PPARGC1A: variants seen among roughly 807,000 people sequenced by gnomAD.
PPARGC1A encodes PPARG coactivator 1 alpha, also known as peroxisome proliferator-activated receptor gamma coactivator 1-alpha.
In PPARGC1A, 25 loss-of-function variants were observed where a neutral mutation model predicts 88.7. The ratio of observed to expected loss-of-function variants is 0.28; its 90% CI spans 0.21 to 0.39. The LOEUF (loss-of-function observed/expected upper bound fraction) is 0.39. PPARGC1A is among the 10% of genes least tolerant of loss of function. The pLI, the probability that PPARGC1A is intolerant of heterozygous loss-of-function variation, is 1.00. For synonymous variants in PPARGC1A, 363 were observed against 355.6 expected (o/e 1.02, Z -0.24); for missense variants, 880 against 968.7 (o/e 0.91, Z 1.22).
chr4:24,305,982 G>A, the PPARGC1A span, among the ~76,000 whole-genome samples: 5 of 152,112 alleles, frequency 3.3e-5, no homozygotes, highest in Non-Finnish European at 7.3e-5. Context: ...ATTAAAGCAG[G>A]GATGTACCCT....
chr4:23,933,766 A>G, the PPARGC1A span, among the ~76,000 whole-genome samples: 1 of 152,228 alleles, frequency 6.6e-6, no homozygotes, highest in African/African-American at 2.4e-5. Flanking sequence ...TTTGGAAGGC[A>G]CTTTCACATA....
the PPARGC1A span, among the ~76,000 whole-genome samples, chr4:24,178,941 A>T: frequency 6.6e-6 from 1 of 152,170 alleles, no homozygotes; most frequent in African/African-American, 2.4e-5. Flanking sequence ...TTTCTTTTTT[A>T]ATCATAACCT....
the PPARGC1A span, among the ~76,000 whole-genome samples, chr4:24,037,079 G>T: frequency 3.5e-3 from 527 of 152,312 alleles, 6 homozygotes; most frequent in African/African-American, 0.012. Flanking sequence ...TTATTTGGGA[G>T]TCCTGCTAAG....
At chr4:24,200,655 CAAAAAA>C in the PPARGC1A span, among the ~76,000 whole-genome samples, 1 of 88,358 alleles carries the variant, frequency 1.1e-5, no homozygotes, top group South Asian at 5.8e-4. Flanking sequence ...ATTTATTAAG[CAAAAAA>C]AAAAAAAAAA....
the PPARGC1A span, among the ~76,000 whole-genome samples, chr4:24,001,247 T>C: frequency 6.6e-6 from 1 of 152,346 alleles, no homozygotes; most frequent in Non-Finnish European, 1.5e-5. Context: ...TTTTCTTTGT[T>C]ATAATATGCT....
chr4:24,360,620 T>A, the PPARGC1A span, among the ~76,000 whole-genome samples: 1 of 152,186 alleles, frequency 6.6e-6, no homozygotes, highest in African/African-American at 2.4e-5. Context: ...TCATCAAAGA[T>A]GTTCAGTACA....
At chr4:24,119,002 C>A in the PPARGC1A span, among the ~76,000 whole-genome samples, 1 of 152,164 alleles carries the variant, frequency 6.6e-6, no homozygotes. Flanking sequence ...GTGCATCAGC[C>A]AGAATGACCT....
chr4:23,995,434 A>G, the PPARGC1A span, among the ~76,000 whole-genome samples: 2 of 152,278 alleles, frequency 1.3e-5, no homozygotes, highest in South Asian at 4.1e-4. Context: ...CCATTTGATC[A>G]TGTCACAGTC....
the PPARGC1A span, among the ~76,000 whole-genome samples, chr4:24,100,517 A>G: frequency 2.0e-5 from 3 of 152,206 alleles, no homozygotes; most frequent in African/African-American, 7.2e-5. Context: ...TCCACTTAAT[A>G]GTTCAGAAAA....
At chr4:24,247,936 A>G in the PPARGC1A span, among the ~76,000 whole-genome samples, 3 of 152,044 alleles carry the variant, frequency 2.0e-5, no homozygotes, top group African/African-American at 7.2e-5. Context: ...CCCACCTAAT[A>G]TCGATCTGGC....
the PPARGC1A span, among the ~76,000 whole-genome samples, chr4:24,023,023 T>A: frequency 6.6e-6 from 1 of 152,190 alleles, no homozygotes. Context: ...CTTAAAATGC[T>A]AATTAAAATC....
At chr4:24,269,760 A>G in the PPARGC1A span, among the ~76,000 whole-genome samples, 1,381 of 152,230 alleles carry the variant, frequency 9.1e-3, 4 homozygotes, top group Non-Finnish European at 0.015. Context: ...GAAGCTGGTA[A>G]CAGTCTGTCC....
the PPARGC1A span, among the ~76,000 whole-genome samples, chr4:24,219,206 C>T: frequency 2.6e-5 from 4 of 152,318 alleles, no homozygotes; most frequent in South Asian, 6.2e-4. Context: ...GGCAAAAGTG[C>T]CAGGAAGTCC....
chr4:24,223,006 A>G, the PPARGC1A span, among the ~76,000 whole-genome samples: 3 of 152,188 alleles, frequency 2.0e-5, no homozygotes, highest in Admixed American at 6.5e-5. Context: ...AGTTGCAACT[A>G]GGCACATATA....
chr4:24,455,341 C>A, the PPARGC1A span, among the ~76,000 whole-genome samples: 1 of 152,096 alleles, frequency 6.6e-6, no homozygotes, highest in Admixed American at 6.5e-5. Context: ...ATTAGCTGGG[C>A]TTTGTGGCTT....
chr4:24,463,415 G>A, the PPARGC1A span, among the ~76,000 whole-genome samples: 6 of 152,240 alleles, frequency 3.9e-5, no homozygotes, highest in East Asian at 7.7e-4. Context: ...CAAGCCTATG[G>A]TAACCCAATC....
the PPARGC1A span, among the ~76,000 whole-genome samples, chr4:24,055,734 C>A: frequency 2.0e-5 from 3 of 152,376 alleles, no homozygotes; most frequent in South Asian, 6.2e-4. Flanking sequence ...AAATCCAAGA[C>A]TGGGCCAGGC....
chr4:24,076,804 A>G, the PPARGC1A span, among the ~76,000 whole-genome samples: 1 of 152,172 alleles, frequency 6.6e-6, no homozygotes, highest in Non-Finnish European at 1.5e-5. Flanking sequence ...ATTCACATAC[A>G]TTAATATATT....
At chr4:24,059,669 C>A in the PPARGC1A span, among the ~76,000 whole-genome samples, 1 of 152,188 alleles carries the variant, frequency 6.6e-6, no homozygotes, top group Non-Finnish European at 1.5e-5. Flanking sequence ...CCCAAAAAGA[C>A]AACCCCCAAT....
Sources: allele counts gnomAD v4.1 joint callset (sites outside exome capture counted in the v4.1 genomes callset), GRCh38; gene constraint gnomAD v4.1.1; transcripts MANE v1.5; gene names NCBI Gene and HGNC (gene_info 2026-07-23, HGNC 2026-07-21).